Variants in LILRB2 observed in about 807,000 individuals in gnomAD.
LILRB2 encodes the protein leukocyte immunoglobulin like receptor B2.
A neutral mutation model predicts 72.7 loss-of-function variants in LILRB2; 47 were observed. The ratio of observed to expected loss-of-function variants is 0.65; its 90% CI spans 0.51 to 0.82. The LOEUF is 0.82. LILRB2 is among the 40% of genes least tolerant of loss of function. The pLI, the probability that LILRB2 is intolerant of heterozygous loss-of-function variation, is 0.00. For synonymous variants in LILRB2, 279 were observed against 313.7 expected (o/e 0.89, Z 1.17); for missense variants, 767 against 764.8 (o/e 1.00, Z -0.03).
At chr19:54,275,851 G>A in intron 13 of LILRB2, 100 bp downstream of exon 13, 1 of 1,459,762 alleles carries the variant, frequency 6.9e-7, no homozygotes. Context: ...GGTCCACCGT[G>A]ACGATGCTGA....
Position 54,279,108 on chromosome 19 carries a change from C to T in LILRB2, c.659G>A (p.Gly220Asp), listed in dbSNP as rs1263202654. 6.2e-7 allele frequency: 1 copy of T among 1,611,810 alleles called. No individual in the cohort carries two copies. The highest frequency in any genetic ancestry group is 8.5e-7 in the Non-Finnish European group (1 of 1,178,292). The stretch of plus-strand genomic sequence containing the variant: ...TGAGAGTGATGGCTTCTTAGAAACA[C>T]CTGGGAAAAGGTGCTCATGGTTTCC... ...PSDLLELLVP[G>D]VSKKPSLSVQ... is the part of the protein sequence containing the mutation. The change falls in exon 6 of 14, where the codon GGT becomes GAT. Residue 220 changes from glycine (G) to aspartate (D), a missense_variant and splice_region_variant. Gly to Asp is a moderately conservative substitution (Grantham distance 94). This residue lies in a region of LILRB2 where 599 missense variants were observed against 568.2 expected (regional missense o/e 1.05). Transcript: ENST00000314446.
chr19:54,280,316 T>G lies in LILRB2; in HGVS notation c.35-17A>C, dbSNP rs374327617. On this transcript the variant is annotated splice_polypyrimidine_tract_variant and intron_variant, in intron 2 of 13. Coordinates refer to ENST00000314446, the MANE Select transcript of LILRB2 (RefSeq NM_001080978.4). ...GACTCAGCCCTGGAAGAGAGTTCCCTGTGAGGGATTTGCCCCCTGAAGCCT... is the reference window on the plus strand; with the variant it reads ...GACTCAGCCCTGGAAGAGAGTTCCCGGTGAGGGATTTGCCCCCTGAAGCCT... 5 of 1,614,048 alleles carry G rather than the reference T, an allele frequency of 3.1e-6. No homozygotes were observed. Among genetic ancestry groups the G allele is most frequent in the African/African-American group, 2.7e-5 (2 of 74,920 alleles).
In LILRB2 at chr19:54,276,000, G is replaced by A. The variant is rs199590986; in HGVS notation, c.1598C>T (p.Ala533Val). ...AADAQEENLY[A>V]AVKDTQPEDG... ...TTCAGGCTGTGTGTCCTTCACGGCA[G>A]CATCTGCTGGGGCAGAGCAAGGGGT... Residue 533 changes from alanine to valine, a missense_variant, in exon 13 of 14, where the codon GCT becomes GTT. Coordinates refer to ENST00000314446, the MANE Select transcript of LILRB2 (RefSeq NM_001080978.4). 257 of 1,614,122 alleles carry A rather than the reference G, an allele frequency of 1.6e-4. 1 individual carries two copies. Among genetic ancestry groups the A allele is most frequent in the Middle Eastern group, 9.9e-4 (6 of 6,056 alleles).
At position 54,278,572 on chromosome 19, in the gene LILRB2, A is replaced by G. The variant is rs1317206540; in HGVS notation, c.956-10T>C. The G allele has an allele frequency of 5.0e-6, 8 of 1,612,800 alleles. No individual in the cohort carries two copies. The highest frequency in any genetic ancestry group is 1.3e-5 in the African/African-American group (1 of 74,992). ...GTGCCACGGATCTGTCCTGGAGAGA[A>G]GAAGGATGGGTGAGGGGCTGCCCCA... On this transcript the variant is annotated splice_polypyrimidine_tract_variant and intron_variant, in intron 6 of 13. Transcript: ENST00000314446.
At position 54,278,379 on chromosome 19, in the gene LILRB2, T is replaced by G; in HGVS notation, c.1139A>C (p.Glu380Ala). 1 of 1,614,220 alleles carries G rather than the reference T, an allele frequency of 6.2e-7. No individual in the cohort carries two copies. Among genetic ancestry groups the G allele is most frequent in the Non-Finnish European group, 8.5e-7 (1 of 1,180,028 alleles). ...TGAGGTCACAGGACTCATGGGGAAT[T>G]CAGCCTGGTACTTAGGATATTCGTG... is the stretch of plus-strand genomic sequence containing the variant. ...SIHEYPKYQA[E>A]FPMSPVTSAH... The change falls in exon 7 of 14, where the codon GAA becomes GCA. Residue 380 changes from glutamate (E) to alanine (A), a missense_variant. By Grantham distance (107) the Glu-to-Ala change is moderately radical. Around this residue, in one of 3 missense-constraint regions of LILRB2, gnomAD observed 599 missense variants for 568.2 expected, o/e 1.05. Coordinates refer to ENST00000314446, the MANE Select transcript of LILRB2 (RefSeq NM_001080978.4).
chr19:54,280,195 A>C, intron 3 of LILRB2, 69 bp downstream of exon 3: 1 of 1,612,918 alleles, frequency 6.2e-7, no homozygotes. Flanking sequence ...CCCCATCCCC[A>C]GCTGCACGGA....
Position 54,277,885 on chromosome 19 carries a change from T to C in LILRB2, c.1309+4A>G. The C allele has an allele frequency of 1.9e-6, 3 of 1,547,828 alleles. No individual in the cohort carries two copies. The highest frequency in any genetic ancestry group is 2.6e-6 in the Non-Finnish European group (3 of 1,144,090). On this transcript the variant is annotated splice_donor_region_variant and intron_variant, in intron 8 of 13. Transcript: ENST00000314446. The stretch of plus-strand genomic sequence containing the variant: ...CCTTCGAGCCAGAGGCCTCAGGGAC[T>C]CACCAGGTGTGGAGATGGGACCGGT...
Position 54,280,983 on chromosome 19 carries a change from C to T in LILRB2, c.-71G>A, listed in dbSNP as rs2080519823. On this transcript the variant is annotated 5_prime_UTR_variant, in exon 1 of 14. Coordinates refer to ENST00000314446, the MANE Select transcript of LILRB2 (RefSeq NM_001080978.4). ...TACCATGGCAGTCGTCCCTCCAGCC[C>T]TGGAGATGCTTCAGGGAAGACCCAG... The T allele has an allele frequency of 3.9e-6, 5 of 1,286,354 alleles. No individual in the cohort carries two copies. In the South Asian group the frequency reaches 5.9e-5, roughly 15 times the overall value. The allele number at this position is 1,286,354 out of a possible 1,614,324, so 79.7% of individuals were successfully genotyped here. A position where few individuals can be genotyped will look rare whatever the true frequency, so the allele number is the denominator to read the frequency against.
Position 54,275,972 on chromosome 19 carries a change from A to T in LILRB2, c.1626T>A (p.Asp542Glu), listed in dbSNP as rs759317731. 3.1e-6 allele frequency: 5 copies of T among 1,611,748 alleles called. No homozygotes were observed. Among genetic ancestry groups the T allele is most frequent in the Admixed American group, 1.7e-5 (1 of 59,838 alleles). Residue 542 changes from aspartate to glutamate, a missense_variant, in exon 13 of 14, where the codon GAT (aspartate) becomes GAA (glutamate). Physicochemically the swap from Asp to Glu is conservative, Grantham distance 45. This residue lies in a region of LILRB2 where 162 missense variants were observed against 176.7 expected (regional missense o/e 0.92). Coordinates refer to ENST00000314446, the MANE Select transcript of LILRB2 (RefSeq NM_001080978.4). ...TCACCCGAGTGTCCATCTCCACCCC[A>T]TCTTCAGGCTGTGTGTCCTTCACGG... ...YAAVKDTQPE[D>E]GVEMDTRAAA...
chr19:54,277,399 G>A (rs1369555528), intron 9 of LILRB2, 151 bp downstream of exon 9: 4 of 1,297,436 alleles, frequency 3.1e-6, no homozygotes, highest in Admixed American at 2.3e-5. Context: ...CCACCTGCAG[G>A]CCTCTCTCCT....
rs577132990 is a variant in LILRB2 at position 54,280,455 on chromosome 19, A to G, written c.34+8T>C. 6.2e-7 allele frequency: 1 copy of G among 1,613,618 alleles called. No individual in the cohort carries two copies. Among genetic ancestry groups the G allele is most frequent in the Non-Finnish European group, 8.5e-7 (1 of 1,179,888 alleles). ...GGTTAGAAGCTCCCCTCTCTCTTCA[A>G]ATCTCACCGAGACAGATCAGGACTG... is the stretch of plus-strand genomic sequence containing the variant. On this transcript the variant is annotated splice_region_variant and intron_variant, in intron 2 of 13. Transcript: ENST00000314446.
Position 54,279,895 on chromosome 19 carries a change from T to G in LILRB2, c.251A>C (p.His84Pro), listed in dbSNP as rs760240274. The G allele has an allele frequency of 3.1e-6, 5 of 1,614,124 alleles. No individual in the cohort carries two copies. The highest frequency in any genetic ancestry group is 1.7e-5 in the Admixed American group (1 of 60,018). ...RPELVKNGQF[H>P]IPSITWEHTG... ...GTGTTCCCAGGTGATGGATGGGATG[T>G]GGAACTGGCCGTTCTTCACAAGCTC... The change falls in exon 4 of 14, where the codon CAC (histidine) becomes CCC (proline). Residue 84 changes from histidine (H) to proline (P), a missense_variant. This residue lies in a region of LILRB2 where 599 missense variants were observed against 568.2 expected (regional missense o/e 1.05). Transcript: ENST00000314446.
rs543871467 is a variant in LILRB2 at position 54,277,195 on chromosome 19, C to T, written c.1358-266G>A. On this transcript the variant is annotated intron_variant, in intron 9 of 13. Coordinates refer to ENST00000314446, the MANE Select transcript of LILRB2 (RefSeq NM_001080978.4). ...GCAGCCCTTGTTCCTGCACCAGAGC[C>T]GAGCCCCGGAGCTGCAGGGAAAGAG... The T allele has an allele frequency of 3.1e-5, 47 of 1,529,556 alleles. 1 individual carries two copies. The highest frequency in any genetic ancestry group is 1.2e-4 in the Admixed American group (6 of 50,968). 94.7% of individuals were successfully genotyped at this position (1,529,556 alleles called of 1,614,324 possible). A position where few individuals can be genotyped will look rare whatever the true frequency, so the allele number is the denominator to read the frequency against.
Position 54,274,555 on chromosome 19 carries a change from T to A in LILRB2, c.*128A>T. The A allele has an allele frequency of 6.6e-7, 1 of 1,508,454 alleles. No individual in the cohort carries two copies. The highest frequency in any genetic ancestry group is 8.9e-7 in the Non-Finnish European group (1 of 1,123,984). The allele number at this position is 1,508,454 out of a possible 1,614,324, so 93.4% of individuals were successfully genotyped here. A position where few individuals can be genotyped will look rare whatever the true frequency, so the allele number is the denominator to read the frequency against. On this transcript the variant is annotated 3_prime_UTR_variant, in exon 14 of 14. Transcript: ENST00000314446. ...CAAGTGAGTCCCAAAGTTCCCAGCA[T>A]CTCCTCATGGTCTTTGTTAGGGGTC...
intron 8 of LILRB2, 24 bp downstream of exon 8, chr19:54,277,865 G>C: frequency 1.3e-6 from 2 of 1,540,364 alleles, no homozygotes; most frequent in East Asian, 2.4e-5. Flanking sequence ...CGCTCCCTTC[G>C]AGCCAGAGGC....
chr19:54,279,743 C>T, intron 4 of LILRB2, 48 bp downstream of exon 4: 1 of 1,610,508 alleles, frequency 6.2e-7, no homozygotes, highest in Middle Eastern at 1.7e-4. Flanking sequence ...TGAGAGCCTC[C>T]TTCCTGAGGG....
At chr19:54,276,719 C>G (rs2080245032) in intron 10 of LILRB2, 88 bp downstream of exon 10, 1 of 1,536,574 alleles carries the variant, frequency 6.5e-7, no homozygotes, top group Admixed American at 2.1e-5. Flanking sequence ...TTTCTCAAAG[C>G]TGCATTTGCC....
intron 2 of LILRB2, 53 bp downstream of exon 2, chr19:54,280,410 G>A (rs1349980352): frequency 6.2e-7 from 1 of 1,613,946 alleles, no homozygotes; most frequent in Admixed American, 1.7e-5. Flanking sequence ...GAGTTTGGCT[G>A]TGGGGTGAGG....
rs1015887759 is a variant in LILRB2, at chr19:54,279,318, C to A, written c.658+27G>T. The A allele has an allele frequency of 2.5e-6, 4 of 1,597,346 alleles. No homozygotes were observed. The African/African-American group carries it at 4.0e-5, about 16-fold the overall frequency. On this transcript the variant is annotated intron_variant, in intron 5 of 13. Transcript: ENST00000314446. ...TGGAGACTCAGGGAGACTCAGGGAACTCCAGACAATGCTGTGAATTTCTCA... is the reference window on the plus strand; with the variant it reads ...TGGAGACTCAGGGAGACTCAGGGAAATCCAGACAATGCTGTGAATTTCTCA...
Sources: gnomAD v4.1 joint callset for allele counts on GRCh38, gnomAD v4.1.1 for gene constraint, gnomAD v4.1.1 regional missense constraint, MANE v1.5 for transcripts, NCBI Gene and HGNC (gene_info 2026-07-23, HGNC 2026-07-21) for gene names.